The following CR1 variants were observed in gnomAD, a reference collection of about 807,000 sequenced individuals.
CR1 encodes complement receptor type 1.
CR1 carries 116 observed loss-of-function variants against 187.3 expected under a neutral mutation model. The ratio of observed to expected loss-of-function variants is 0.62; its 90% CI spans 0.53 to 0.72. The LOEUF is 0.72. CR1 is among the 30% of genes least tolerant of loss of function. The pLI is 0.00. For missense variants in CR1, 1,731 were observed against 2,110.7 expected, an observed-to-expected ratio of 0.82 and a Z score of 3.52; for synonymous variants, 576 against 747.1, an observed-to-expected ratio of 0.77 and a Z score of 3.73.
chr1:207,604,875 T>G (rs907716918), intron 35 of CR1, among the ~76,000 whole-genome samples: 6 of 151,964 alleles, frequency 3.9e-5, no homozygotes, highest in Admixed American at 3.9e-4. Flanking sequence ...GGAGCTGAGA[T>G]TTGGTCAAAG....
chr1:207,636,056 G>A (rs1216723330), intron 46 of CR1, among the ~76,000 whole-genome samples: 1 of 151,524 alleles, frequency 6.6e-6, no homozygotes, highest in Non-Finnish European at 1.5e-5. Flanking sequence ...GTAACAATCT[G>A]ATCTTTCTTT....
chr1:207,599,301 A>C (rs1200608870), intron 35 of CR1, among the ~76,000 whole-genome samples: 1 of 152,238 alleles, frequency 6.6e-6, no homozygotes, highest in African/African-American at 2.4e-5. Context: ...TTAAAGCAAC[A>C]ATATGTCATG....
At chr1:207,514,553 T>G (rs1489870980) in intron 4 of CR1, among the ~76,000 whole-genome samples, 1 of 152,158 alleles carries the variant, frequency 6.6e-6, no homozygotes, top group Non-Finnish European at 1.5e-5. Flanking sequence ...CTGCCAGTGT[T>G]GGTCTTGAAC....
intron 45 of CR1, among the ~76,000 whole-genome samples, chr1:207,628,314 G>A (rs2102411884): frequency 6.6e-6 from 1 of 152,106 alleles, no homozygotes; most frequent in African/African-American, 2.4e-5. Context: ...TGTGAGCAGG[G>A]ACCACCTATA....
At chr1:207,506,567 G>A in intron 2 of CR1, 147 bp from the exon 3 acceptor site, 1 of 671,536 alleles carries the variant, frequency 1.5e-6, no homozygotes, top group Non-Finnish European at 2.6e-6. Flanking sequence ...AGGCAGTCTG[G>A]TGAGTTTCCT....
chr1:207,564,094 C>T (rs1292176318), intron 22 of CR1, 38 bp from the exon 23 acceptor site: 6 of 1,536,468 alleles, frequency 3.9e-6, no homozygotes, highest in Non-Finnish European at 5.2e-6. Context: ...TTATTCTCCA[C>T]ATGCCAGTGA....
intron 46 of CR1, among the ~76,000 whole-genome samples, chr1:207,634,768 TAGAAG>T (rs890298708): frequency 2.6e-5 from 4 of 152,148 alleles, no homozygotes; most frequent in African/African-American, 9.7e-5. Flanking sequence ...TAACTGTAAG[TAGAAG>T]AGGAGGACAT....
intron 4 of CR1, among the ~76,000 whole-genome samples, chr1:207,513,567 C>G (rs1470928817): frequency 6.6e-6 from 1 of 152,298 alleles, no homozygotes; most frequent in African/African-American, 2.4e-5. Flanking sequence ...AAATATCAGG[C>G]TAATTTCTCA....
intron 4 of CR1, among the ~76,000 whole-genome samples, chr1:207,515,410 A>G (rs1659780558): frequency 6.6e-6 from 1 of 151,720 alleles, no homozygotes; most frequent in African/African-American, 2.4e-5. Flanking sequence ...CGTCACTCAG[A>G]TTAAGATATA....
chr1:207,566,932 C>T (rs1213965405), intron 24 of CR1, among the ~76,000 whole-genome samples: 2 of 150,360 alleles, frequency 1.3e-5, no homozygotes, highest in African/African-American at 5.0e-5. Flanking sequence ...AAGAACATAA[C>T]TTATATAGAG....
intron 4 of CR1, among the ~76,000 whole-genome samples, chr1:207,518,782 G>A (rs1659881767): frequency 6.6e-6 from 1 of 152,154 alleles, no homozygotes; most frequent in South Asian, 2.1e-4. Flanking sequence ...AGGCCACCCT[G>A]GCAATCCAGA....
At chr1:207,499,984 C>T (rs1290413229) in intron 1 of CR1, among the ~76,000 whole-genome samples, 3 of 152,128 alleles carry the variant, frequency 2.0e-5, no homozygotes, top group Non-Finnish European at 2.9e-5. Context: ...TCACCCTCTC[C>T]GCAAAGACAC....
At chr1:207,617,507 A>ATGTGTG (rs1167357538) in intron 41 of CR1, among the ~76,000 whole-genome samples, 656 of 46,404 alleles carry the variant, frequency 0.014, 15 homozygotes, top group Middle Eastern at 0.038. Context: ...ATATATATAT[A>ATGTGTG]TGTGTGTGTG....
chr1:207,634,211 T>C (rs114495320), intron 46 of CR1, among the ~76,000 whole-genome samples: 3,424 of 152,292 alleles, frequency 0.022, 69 homozygotes, highest in South Asian at 0.042. Flanking sequence ...AATTAATTTA[T>C]GAAAATTTCA....
chr1:207,625,676 G>A (rs1470755008), intron 45 of CR1, among the ~76,000 whole-genome samples: 1 of 152,112 alleles, frequency 6.6e-6, no homozygotes, highest in African/African-American at 2.4e-5. Flanking sequence ...CATTTGGTAG[G>A]AAGGGAGCTA....
intron 35 of CR1, among the ~76,000 whole-genome samples, chr1:207,599,939 A>G (rs1202584311): frequency 6.6e-6 from 1 of 152,228 alleles, no homozygotes; most frequent in Non-Finnish European, 1.5e-5. Flanking sequence ...GCATATAACT[A>G]AGGAGTAGAT....
At position 207,580,545 on chromosome 1, in the gene CR1, T is replaced by G; in HGVS notation, c.5148T>G (p.Pro1716=). 1.9e-6 allele frequency: 3 copies of G among 1,613,458 alleles called. No homozygotes were observed. Among genetic ancestry groups the G allele is most frequent in the Non-Finnish European group, 2.5e-6 (3 of 1,179,772 alleles). ...GTGATGACTTCTTGGGTCAACTCCC[T>G]CATGGCCGTGTGCTATTTCCACTTA... ...KSCDDFLGQL[P]HGRVLFPLNL... is the part of the protein sequence containing the mutation. Residue 1716 remains proline (P), a synonymous_variant, in exon 31 of 47, where the codon CCT becomes CCG. Transcript: ENST00000367049.
intron 28 of CR1, among the ~76,000 whole-genome samples, chr1:207,577,166 G>A (rs1432458309): frequency 6.6e-6 from 1 of 151,766 alleles, no homozygotes. Context: ...CAGGAAAATC[G>A]CTTGAACCTG....
chr1:207,636,090 C>T (rs535292629), intron 46 of CR1, among the ~76,000 whole-genome samples: 80 of 151,608 alleles, frequency 5.3e-4, no homozygotes, highest in African/African-American at 1.8e-3. Flanking sequence ...CCCTTTTCGA[C>T]AAAACCGCCA....
Sources: gnomAD v4.1 joint callset for allele counts (sites outside exome capture counted in the v4.1 genomes callset) on GRCh38, gnomAD v4.1.1 for gene constraint, MANE v1.5 for transcripts, NCBI Gene and HGNC (gene_info 2026-07-23, HGNC 2026-07-21) for gene names.